Variants in RPS6KC1 observed in about 807,000 individuals in gnomAD.
RPS6KC1 encodes the protein inactive ribosomal protein S6 kinase delta-1.
RPS6KC1 carries 54 observed loss-of-function variants against 103.8 expected under a neutral mutation model. The observed-to-expected ratio is 0.52, with a 90% CI of 0.42 to 0.65. RPS6KC1 has a LOEUF of 0.65. Among genes scored for constraint, RPS6KC1 ranks in the 30% least tolerant of loss-of-function variants. The probability of loss-of-function intolerance (pLI) is 0.00; values close to 1 mark genes in which losing one functional copy is unlikely to be tolerated. For missense variants in RPS6KC1, 1,151 were observed against 1,253.8 expected (o/e 0.92, Z 1.24); for synonymous variants, 439 against 438.7 (o/e 1.00, Z -0.01).
the RPS6KC1 span, among the ~76,000 whole-genome samples, chr1:213,327,990 A>G: frequency 6.6e-6 from 1 of 152,022 alleles, no homozygotes; most frequent in Non-Finnish European, 1.5e-5. Context: ...TTGGGACTAC[A>G]TTTGTATTCC....
chr1:213,315,721 C>G, the RPS6KC1 span, among the ~76,000 whole-genome samples: 1 of 152,142 alleles, frequency 6.6e-6, no homozygotes, highest in Admixed American at 6.5e-5. Context: ...TTCCTTGCTG[C>G]CCCCCACGGG....
At chr1:213,421,932 T>C in the RPS6KC1 span, among the ~76,000 whole-genome samples, 3 of 152,378 alleles carry the variant, frequency 2.0e-5, no homozygotes, top group Admixed American at 6.5e-5. Flanking sequence ...ACTATTTATG[T>C]GTTTTAACCT....
At chr1:213,461,568 G>T in the RPS6KC1 span, among the ~76,000 whole-genome samples, 1 of 152,170 alleles carries the variant, frequency 6.6e-6, no homozygotes, top group Non-Finnish European at 1.5e-5. Context: ...CATGATACTT[G>T]TACCAAAACA....
chr1:213,698,010 G>A, the RPS6KC1 span, among the ~76,000 whole-genome samples: 1 of 151,980 alleles, frequency 6.6e-6, no homozygotes, highest in African/African-American at 2.4e-5. Flanking sequence ...TTTCTACATT[G>A]CCAGACTAAC....
the RPS6KC1 span, among the ~76,000 whole-genome samples, chr1:213,625,835 G>A: frequency 6.6e-6 from 1 of 152,170 alleles, no homozygotes; most frequent in Non-Finnish European, 1.5e-5. Flanking sequence ...ATCGTTGTTG[G>A]ACATTTGGCT....
the RPS6KC1 span, among the ~76,000 whole-genome samples, chr1:213,602,126 CTT>C: frequency 7.1e-4 from 29 of 40,794 alleles, no homozygotes; most frequent in Non-Finnish European, 1.1e-3. Context: ...CTTTCTCTTT[CTT>C]TCTTTCTTTC....
intron 8 of RPS6KC1, among the ~76,000 whole-genome samples, chr1:213,182,776 T>C (rs1282825064): frequency 6.7e-6 from 1 of 148,602 alleles, no homozygotes. Flanking sequence ...TACATATATA[T>C]CGATATATAT....
At chr1:213,676,623 G>A in the RPS6KC1 span, among the ~76,000 whole-genome samples, 4 of 152,166 alleles carry the variant, frequency 2.6e-5, no homozygotes, top group Non-Finnish European at 5.9e-5. Flanking sequence ...ATTGCACCAA[G>A]TTACCTCTTC....
At chr1:213,108,543 G>A (rs1165690774) in intron 4 of RPS6KC1, among the ~76,000 whole-genome samples, 3 of 151,614 alleles carry the variant, frequency 2.0e-5, no homozygotes, top group African/African-American at 7.3e-5. Flanking sequence ...TTTCAAAATT[G>A]TTATGGCAAT....
At chr1:213,259,982 G>C (rs957357826) in intron 12 of RPS6KC1, among the ~76,000 whole-genome samples, 1 of 151,942 alleles carries the variant, frequency 6.6e-6, no homozygotes, top group Non-Finnish European at 1.5e-5. Context: ...CAGGTGATCC[G>C]CCTGCCTCAG....
At chr1:213,691,150 C>G in the RPS6KC1 span, among the ~76,000 whole-genome samples, 1 of 152,198 alleles carries the variant, frequency 6.6e-6, no homozygotes, top group Admixed American at 6.5e-5. Context: ...CCCGTGGAAG[C>G]CTCCCTGGCT....
chr1:213,231,576 T>TTG (rs909859498), intron 9 of RPS6KC1, among the ~76,000 whole-genome samples: 4 of 152,026 alleles, frequency 2.6e-5, no homozygotes, highest in Non-Finnish European at 4.4e-5. Flanking sequence ...GAAACACATT[T>TTG]TGTGTGTGTG....
At chr1:213,150,150 A>C (rs1198120480) in intron 6 of RPS6KC1, among the ~76,000 whole-genome samples, 1 of 152,012 alleles carries the variant, frequency 6.6e-6, no homozygotes, top group Non-Finnish European at 1.5e-5. Context: ...CAATGTTATT[A>C]TTTATAAGTA....
the RPS6KC1 span, among the ~76,000 whole-genome samples, chr1:213,801,247 A>G: frequency 2.0e-5 from 3 of 152,036 alleles, no homozygotes; most frequent in Non-Finnish European, 2.9e-5. Flanking sequence ...ATTCAAGGAG[A>G]AAAAAAAGCA....
the RPS6KC1 span, among the ~76,000 whole-genome samples, chr1:213,792,238 A>C: frequency 3.9e-5 from 6 of 152,326 alleles, no homozygotes; most frequent in Admixed American, 3.9e-4. Context: ...TTGAACATGC[A>C]CTTTTGATAG....
chr1:213,786,218 G>A, the RPS6KC1 span, among the ~76,000 whole-genome samples: 15 of 152,154 alleles, frequency 9.9e-5, no homozygotes, highest in Admixed American at 2.6e-4. Context: ...CAAAGTACTG[G>A]ACATCTTGAG....
the RPS6KC1 span, among the ~76,000 whole-genome samples, chr1:213,613,515 T>C: frequency 6.6e-6 from 1 of 152,206 alleles, no homozygotes; most frequent in African/African-American, 2.4e-5. Context: ...TCTAGCCTCT[T>C]GTCTACTTTA....
chr1:213,347,358 A>C, the RPS6KC1 span, among the ~76,000 whole-genome samples: 1 of 152,176 alleles, frequency 6.6e-6, no homozygotes, highest in African/African-American at 2.4e-5. Flanking sequence ...GAGATTAGAG[A>C]CATTAAGCAA....
At chr1:213,790,348 A>G in the RPS6KC1 span, among the ~76,000 whole-genome samples, 1 of 152,204 alleles carries the variant, frequency 6.6e-6, no homozygotes, top group Non-Finnish European at 1.5e-5. Flanking sequence ...AGTCAACAGT[A>G]TGTATGACTT....
Sources: allele counts gnomAD v4.1 joint callset (sites outside exome capture counted in the v4.1 genomes callset), GRCh38; gene constraint gnomAD v4.1.1; transcripts MANE v1.5; gene names NCBI Gene and HGNC (gene_info 2026-07-23, HGNC 2026-07-21).